The following ZC3H13 variants were observed in gnomAD, a reference collection of about 807,000 sequenced individuals.
The protein encoded by ZC3H13 is zinc finger CCCH-type containing 13.
ZC3H13 carries 64 observed loss-of-function variants against 204.1 expected under a neutral mutation model. The ratio of observed to expected loss-of-function variants is 0.31; its 90% confidence interval spans 0.26 to 0.39. The LOEUF (loss-of-function observed/expected upper bound fraction) is 0.39, where lower values mean the gene tolerates loss of function less well. ZC3H13 is among the 10% of genes least tolerant of loss of function. The pLI is 1.00. For missense variants in ZC3H13, 1,833 were observed against 2,082.7 expected (o/e 0.88, Z 2.33); for synonymous variants, 667 against 693.7 (o/e 0.96, Z 0.60).
chr13:46,020,556 T>A lies in ZC3H13; in HGVS notation c.341A>T (p.Lys114Ile). ...NTEESSSPVR[K>I]ESSRGRHREK... ...CCTATGTCTCCCTCTTGAAGATTCT[T>A]TCTAAAAAAGTACATACATACATTC... The change falls in exon 5 of 19, where the codon AAA (lysine) becomes ATA (isoleucine). Residue 114 changes from lysine (K) to isoleucine (I), a missense_variant and splice_region_variant. Lys to Ile is a moderately radical substitution (Grantham distance 102). This residue lies in a region of ZC3H13 where 1,574 missense variants were observed against 1,757.2 expected (regional missense o/e 0.90). Transcript: ENST00000679008. The A allele has an allele frequency of 3.1e-6, 5 of 1,598,718 alleles. No homozygotes were observed. Among genetic ancestry groups the A allele is most frequent in the Non-Finnish European group, 4.3e-6 (5 of 1,173,036 alleles).
rs748949295 is a variant in ZC3H13, at chr13:45,989,076, C to T, written c.966G>A (p.Gln322=). The T allele has an allele frequency of 1.9e-6, 3 of 1,613,596 alleles. No homozygotes were observed. Among genetic ancestry groups the T allele is most frequent in the African/African-American group, 1.3e-5 (1 of 75,016 alleles). The change falls in exon 9 of 19, where the codon CAG becomes CAA. Residue 322 remains glutamine, a synonymous_variant. Coordinates refer to ENST00000679008, the MANE Select transcript of ZC3H13 (RefSeq NM_001330564.2). The part of the protein sequence containing the change: ...DKPRSTSPAG[Q]HHSPISSRHH... Reference sequence around the variant, plus strand: ...GTCTAGAAGATATAGGAGAATGATGCTGTCCTGCTGGGGAAGTAGACCTAC... The same window carrying T: ...GTCTAGAAGATATAGGAGAATGATGTTGTCCTGCTGGGGAAGTAGACCTAC...
chr13:45,971,252 A>G (rs747977471), intron 12 of ZC3H13, among the ~76,000 whole-genome samples: 12 of 152,152 alleles, frequency 7.9e-5, no homozygotes, highest in Non-Finnish European at 1.6e-4. Flanking sequence ...CCCCATTTTC[A>G]TTAAAATTTG....
rs566866553 is a variant in ZC3H13 at position 46,045,934 on chromosome 13, C to T, written c.-9-418G>A. The stretch of plus-strand genomic sequence containing the variant: ...ACTGGTTAACTGAAAAAGAGTTATG[C>T]TAAAGAAAATGGAAAAATAAAATTG... On this transcript the variant is annotated intron_variant, in intron 1 of 18. Transcript: ENST00000679008. 8.5e-5 allele frequency among the ~76,000 whole-genome samples: 13 copies of T among 152,096 alleles called. 1 individual carries two copies. Among genetic ancestry groups the T allele is most frequent in the African/African-American group, 2.9e-4 (12 of 41,480 alleles).
intron 5 of ZC3H13, among the ~76,000 whole-genome samples, chr13:46,013,125 G>T (rs895101562): frequency 2.0e-5 from 3 of 152,072 alleles, no homozygotes; most frequent in Non-Finnish European, 2.9e-5. Context: ...TAAAATATAT[G>T]TGTAAGTCAG....
chr13:46,027,498 T>C (rs2042615660), intron 4 of ZC3H13, among the ~76,000 whole-genome samples: 1 of 152,208 alleles, frequency 6.6e-6, no homozygotes, highest in African/African-American at 2.4e-5. Context: ...AGAAAAATAC[T>C]ATTTGCCAAA....
At chr13:46,049,937 A>C (rs7324938) in intron 1 of ZC3H13, among the ~76,000 whole-genome samples, 41,486 of 151,996 alleles carry the variant, frequency 0.27, 6,131 homozygotes, top group South Asian at 0.33. Flanking sequence ...TTTTGTTTTC[A>C]AATTATTATT....
intron 7 of ZC3H13, among the ~76,000 whole-genome samples, chr13:46,009,446 T>C (rs1358938358): frequency 6.6e-6 from 1 of 152,138 alleles, no homozygotes; most frequent in Non-Finnish European, 1.5e-5. Context: ...AAAGTCAATA[T>C]AGTTAGTGAT....
At chr13:45,991,221 CTTGAG>C (rs1247868912) in intron 8 of ZC3H13, among the ~76,000 whole-genome samples, 1 of 152,078 alleles carries the variant, frequency 6.6e-6, no homozygotes, top group African/African-American at 2.4e-5. Context: ...CTACAATAGC[CTTGAG>C]TTATTAGTTC....
At chr13:46,014,300 G>A (rs2041773037) in intron 5 of ZC3H13, among the ~76,000 whole-genome samples, 1 of 151,944 alleles carries the variant, frequency 6.6e-6, no homozygotes, top group Non-Finnish European at 1.5e-5. Flanking sequence ...CTGTCATCTA[G>A]GTTTTAAGCC....
intron 17 of ZC3H13, among the ~76,000 whole-genome samples, chr13:45,961,984 T>C (rs1479854095): frequency 1.3e-5 from 2 of 152,182 alleles, no homozygotes; most frequent in Non-Finnish European, 1.5e-5. Context: ...TTTTAAGCTT[T>C]AGTTGTTTCT....
intron 13 of ZC3H13, among the ~76,000 whole-genome samples, 159 bp downstream of exon 13, chr13:45,970,203 C>G (rs1006564385): frequency 6.6e-6 from 1 of 152,098 alleles, no homozygotes; most frequent in African/African-American, 2.4e-5. Context: ...TGACAGTACT[C>G]TAACACATAC....
intron 8 of ZC3H13, among the ~76,000 whole-genome samples, chr13:45,991,812 C>T (rs995250197): frequency 2.6e-5 from 4 of 152,090 alleles, no homozygotes; most frequent in Non-Finnish European, 5.9e-5. Context: ...CAATCAAACA[C>T]TTTTTAGTGC....
At chr13:46,047,274 A>G (rs1450919849) in intron 1 of ZC3H13, among the ~76,000 whole-genome samples, 2 of 152,186 alleles carry the variant, frequency 1.3e-5, no homozygotes, top group African/African-American at 4.8e-5. Context: ...TGGAAAATCT[A>G]TATTTTTATC....
chr13:45,970,225 A>C, intron 13 of ZC3H13, 137 bp downstream of exon 13: 1 of 968,770 alleles, frequency 1.0e-6, no homozygotes, highest in Non-Finnish European at 1.5e-6. Flanking sequence ...TTAGTCACAA[A>C]AGGAGATATT....
intron 18 of ZC3H13, 42 bp from the exon 19 acceptor site, chr13:45,957,339 A>G (rs1487134306): frequency 2.8e-6 from 4 of 1,408,320 alleles, no homozygotes; most frequent in Non-Finnish European, 3.7e-6. Context: ...AAAGATGTAC[A>G]TTATTAGTAG....
chr13:46,020,081 A>G (rs2042134634), intron 5 of ZC3H13, among the ~76,000 whole-genome samples: 1 of 152,200 alleles, frequency 6.6e-6, no homozygotes, highest in Non-Finnish European at 1.5e-5. Flanking sequence ...CCAAGTCCTT[A>G]AGATTTAAAA....
At chr13:45,978,009 A>C (rs1039480194) in intron 11 of ZC3H13, among the ~76,000 whole-genome samples, 3 of 152,020 alleles carry the variant, frequency 2.0e-5, no homozygotes, top group African/African-American at 7.2e-5. Flanking sequence ...TTACTACTCC[A>C]AAGCACATGT....
At position 45,965,586 on chromosome 13, in the gene ZC3H13, A is replaced by G. The variant is rs75933101; in HGVS notation, c.4322-154T>C. 8.5e-3 allele frequency among the ~76,000 whole-genome samples: 1,291 copies of G among 152,344 alleles called. 8 individuals carry two copies. The highest frequency in any genetic ancestry group is 0.013 in the Non-Finnish European group (890 of 68,018). On this transcript the variant is annotated intron_variant, in intron 15 of 18. Coordinates refer to ENST00000679008, the MANE Select transcript of ZC3H13 (RefSeq NM_001330564.2). The stretch of plus-strand genomic sequence containing the variant: ...CTCTTAATTATTCAAATACTTGATA[A>G]TATCAAAAGAAAACAAAAATAAAAT...
At chr13:45,975,885 C>T (rs750257856) in intron 11 of ZC3H13, 47 bp from the exon 12 acceptor site, 11 of 1,582,014 alleles carry the variant, frequency 7.0e-6, no homozygotes, top group African/African-American at 1.4e-5. Flanking sequence ...GACAGATAAC[C>T]TATTGGTAAG....
Sources: gnomAD v4.1 joint callset for allele counts (sites outside exome capture counted in the v4.1 genomes callset) on GRCh38, gnomAD v4.1.1 for gene constraint, gnomAD v4.1.1 regional missense constraint, MANE v1.5 for transcripts, NCBI Gene and HGNC (gene_info 2026-07-23, HGNC 2026-07-21) for gene names.